Variants in MYO9A observed in about 807,000 individuals in gnomAD.
MYO9A encodes the protein unconventional myosin-IXa.
In MYO9A, 103 loss-of-function variants were observed where a neutral mutation model predicts 293.3. The observed-to-expected ratio is 0.35, with a 90% CI of 0.30 to 0.41. MYO9A has a LOEUF of 0.41. MYO9A is among the 10% of genes least tolerant of loss of function. The pLI, the probability that MYO9A is intolerant of heterozygous loss-of-function variation, is 1.00. For synonymous variants in MYO9A, 1,001 were observed against 1,035.7 expected (o/e 0.97, Z 0.64); for missense variants, 2,685 against 3,033.0 (o/e 0.89, Z 2.69).
intron 4 of MYO9A, among the ~76,000 whole-genome samples, chr15:72,022,254 G>A (rs1477242879): frequency 1.3e-5 from 2 of 152,224 alleles, no homozygotes; most frequent in Non-Finnish European, 2.9e-5. Flanking sequence ...AGGCGTGGTG[G>A]CTCACACCTG....
intron 8 of MYO9A, 65 bp downstream of exon 8, chr15:72,007,761 T>C (rs2077057539): frequency 1.3e-6 from 2 of 1,522,656 alleles, no homozygotes; most frequent in South Asian, 1.2e-5. Context: ...ACCTACAAAA[T>C]ACACAAAATA....
chr15:71,890,449 G>GA (rs2057142855), intron 26 of MYO9A: 1 of 151,924 alleles, frequency 6.6e-6, no homozygotes, highest in African/African-American at 2.4e-5. Flanking sequence ...TATAAATAAG[G>GA]AATAGAAATG....
At chr15:72,040,049 CACA>C (rs1472968723) in intron 2 of MYO9A, 1 of 157,458 alleles carries the variant, frequency 6.4e-6, no homozygotes, top group African/African-American at 2.4e-5. Context: ...GACCACAAAT[CACA>C]ACCTCATCCA....
intron 32 of MYO9A, among the ~76,000 whole-genome samples, chr15:71,869,852 A>T (rs2056452635): frequency 6.6e-6 from 1 of 152,202 alleles, no homozygotes; most frequent in Non-Finnish European, 1.5e-5. Context: ...TCAATTAAAC[A>T]TTTATAGATG....
chr15:72,051,220 G>A (rs553523118), intron 1 of MYO9A, among the ~76,000 whole-genome samples: 5 of 152,206 alleles, frequency 3.3e-5, no homozygotes, highest in Admixed American at 2.0e-4. Flanking sequence ...GCATGCCACC[G>A]ATGGCAGCAG....
At chr15:71,851,109 C>A in intron 37 of MYO9A, 144 bp downstream of exon 37, 1 of 651,272 alleles carries the variant, frequency 1.5e-6, no homozygotes, top group Non-Finnish European at 2.6e-6. Context: ...TCCAAGGTAT[C>A]CTAACCACCT....
At chr15:71,899,587 C>T in intron 24 of MYO9A, 100 bp downstream of exon 24, 1 of 1,065,182 alleles carries the variant, frequency 9.4e-7, no homozygotes, top group Non-Finnish European at 1.3e-6. Context: ...AAATTGTATA[C>T]AACCAATTCT....
At chr15:72,103,494 CAGA>C (rs2080458268) in intron 1 of MYO9A, among the ~76,000 whole-genome samples, 1 of 149,058 alleles carries the variant, frequency 6.7e-6, no homozygotes, top group South Asian at 2.1e-4. Context: ...AGCGCAGAAG[CAGA>C]AGCAGTGGCA....
intron 27 of MYO9A, among the ~76,000 whole-genome samples, chr15:71,886,328 T>C (rs985816805): frequency 3.4e-4 from 52 of 152,112 alleles, no homozygotes; most frequent in African/African-American, 1.1e-3. Flanking sequence ...GATAGTAATA[T>C]ATTCAGGGTT....
chr15:71,928,044 ATATATATATATATTTTTTTTT>A, intron 18 of MYO9A, among the ~76,000 whole-genome samples: 1 of 9,338 alleles, frequency 1.1e-4, no homozygotes, highest in Non-Finnish European at 5.9e-4. Flanking sequence ...ATATATATAT[ATATATATATATATTTTTTTTT>A]TTTTTTTTTT....
At chr15:71,838,819 C>T (rs2055036434) in intron 39 of MYO9A, among the ~76,000 whole-genome samples, 1 of 152,176 alleles carries the variant, frequency 6.6e-6, no homozygotes, top group South Asian at 2.1e-4. Context: ...AGAGAGCTAA[C>T]TATTCTCAGT....
At chr15:71,972,389 C>T (rs908566715) in intron 12 of MYO9A, 1 of 152,178 alleles carries the variant, frequency 6.6e-6, no homozygotes, top group Non-Finnish European at 1.5e-5. Flanking sequence ...TTCTGCAAGC[C>T]ACTCCAGCAA....
In MYO9A at chr15:72,020,979, C is replaced by G. The variant is rs753383435; in HGVS notation, c.1037G>C (p.Ser346Thr). 6.4e-7 allele frequency: 1 copy of G among 1,554,576 alleles called. No individual in the cohort carries two copies. Reference sequence around the variant, plus strand: ...ATGGAATGCTGATCTCTCATCTTCACTTGCTCCTGCCAGGAGGTAATAGAA... The same window carrying G: ...ATGGAATGCTGATCTCTCATCTTCAGTTGCTCCTGCCAGGAGGTAATAGAA... ...HVFYYLLAGA[S>T]EDERSAFHLK... Residue 346 changes from serine to threonine, a missense_variant, in exon 5 of 42, where the codon AGT becomes ACT. Coordinates refer to ENST00000356056, the MANE Select transcript of MYO9A (RefSeq NM_006901.4).
chr15:72,061,044 A>G (rs978601327), intron 1 of MYO9A, among the ~76,000 whole-genome samples: 2 of 152,186 alleles, frequency 1.3e-5, no homozygotes, highest in African/African-American at 4.8e-5. Flanking sequence ...CAGGCTCTAC[A>G]TCCCAGATAA....
At chr15:72,011,928 T>C (rs2077186325) in intron 6 of MYO9A, among the ~76,000 whole-genome samples, 1 of 152,206 alleles carries the variant, frequency 6.6e-6, no homozygotes, top group Non-Finnish European at 1.5e-5. Flanking sequence ...TTTAGGTAAA[T>C]ACATAGTCAT....
At chr15:72,116,226 C>A (rs556275174) in intron 1 of MYO9A, among the ~76,000 whole-genome samples, 4 of 152,270 alleles carry the variant, frequency 2.6e-5, no homozygotes, top group Non-Finnish European at 5.9e-5. Flanking sequence ...AAACTTTTGG[C>A]TTTTACGTCT....
At chr15:72,118,177 A>C (rs998448525), upstream of MYO9A, 1 of 364,918 alleles carries the variant, frequency 2.7e-6, no homozygotes, top group Non-Finnish European at 4.9e-6. Flanking sequence ...CCCTACTGCC[A>C]GCACGGGTCG....
intron 24 of MYO9A, 69 bp downstream of exon 24, chr15:71,899,618 T>C (rs971721313): frequency 7.5e-7 from 1 of 1,326,124 alleles, no homozygotes; most frequent in African/African-American, 1.5e-5. Flanking sequence ...AGACAAGTGT[T>C]AATGCAGAGG....
At chr15:71,918,421 G>A (rs1979459) in intron 18 of MYO9A, among the ~76,000 whole-genome samples, 140,440 of 152,112 alleles carry the variant, frequency 0.92, 65,219 homozygotes, top group Non-Finnish European at 0.97. Context: ...ACACAACTGA[G>A]TACTCCACAG....
Sources: allele counts gnomAD v4.1 joint callset (sites outside exome capture counted in the v4.1 genomes callset), GRCh38; gene constraint gnomAD v4.1.1; transcripts MANE v1.5; gene names NCBI Gene and HGNC (gene_info 2026-07-23, HGNC 2026-07-21).